Variants in MFAP5 observed in about 807,000 individuals in gnomAD.
MFAP5 encodes the protein microfibrillar-associated protein 5.
MFAP5 carries 19 observed loss-of-function variants against 30.1 expected under a neutral mutation model. The ratio of observed to expected loss-of-function variants is 0.63; its 90% CI spans 0.44 to 0.93. MFAP5 has a LOEUF of 0.93. Among genes scored for constraint, MFAP5 ranks in the 40% least tolerant of loss-of-function variants. The pLI, the probability that MFAP5 is intolerant of heterozygous loss-of-function variation, is 0.00. For synonymous variants in MFAP5, 92 were observed against 72.9 expected (o/e 1.26, Z -1.33); for missense variants, 210 against 221.3 (o/e 0.95, Z 0.32).
chr12:8,657,285 G>T (rs1942028186), intron 3 of MFAP5, among the ~76,000 whole-genome samples: 1 of 152,012 alleles, frequency 6.6e-6, no homozygotes, highest in African/African-American at 2.4e-5. Context: ...CTGGCGTGGT[G>T]GTGCACGCCT....
chr12:8,658,627 C>T (rs1942068854), intron 3 of MFAP5: 1 of 152,156 alleles, frequency 6.6e-6, no homozygotes, highest in Non-Finnish European at 1.5e-5. Context: ...ACATTCCAGT[C>T]CAGCCACTCA....
chr12:8,654,383 T>C, intron 6 of MFAP5, 54 bp downstream of exon 6: 1 of 1,520,630 alleles, frequency 6.6e-7, no homozygotes, highest in Non-Finnish European at 9.0e-7. Context: ...GAATGGGCTC[T>C]GGGGAAAGCC....
rs1334115842 is a variant in MFAP5 at position 8,647,851 on chromosome 12, T to C, written c.*240A>G. On this transcript the variant is annotated 3_prime_UTR_variant, in exon 10 of 10. Coordinates refer to ENST00000359478, the MANE Select transcript of MFAP5 (RefSeq NM_003480.4). The stretch of plus-strand genomic sequence containing the variant: ...ATAGTCATCATCTATTCACTGTGTC[T>C]ATGATATTGAGAAGCAGCAAAATTA... The C allele has an allele frequency of 2.3e-5, 8 of 344,492 alleles. No individual in the cohort carries two copies. Among genetic ancestry groups the C allele is most frequent in the Non-Finnish European group, 1.1e-5 (2 of 183,300 alleles). 21.3% of individuals were successfully genotyped at this position (344,492 alleles called of 1,614,324 possible). A position where few individuals can be genotyped will look rare whatever the true frequency, so the allele number is the denominator to read the frequency against.
intron 2 of MFAP5, among the ~76,000 whole-genome samples, chr12:8,661,364 C>A (rs893385572): frequency 6.6e-6 from 1 of 152,162 alleles, no homozygotes; most frequent in African/African-American, 2.4e-5. Context: ...AGTTCACTTT[C>A]TGTGGCCAGT....
chr12:8,649,202 T>C (rs1941763660), intron 9 of MFAP5, among the ~76,000 whole-genome samples: 1 of 152,196 alleles, frequency 6.6e-6, no homozygotes, highest in African/African-American at 2.4e-5. Flanking sequence ...AGAACCCCAG[T>C]GAATGATCTT....
chr12:8,660,634 T>A (rs1565529100), intron 3 of MFAP5, among the ~76,000 whole-genome samples: 1 of 152,088 alleles, frequency 6.6e-6, no homozygotes, highest in East Asian at 1.9e-4. Flanking sequence ...TTCAGTAGTT[T>A]AAAAACACAC....
chr12:8,648,218 G>A lies in MFAP5; in HGVS notation c.410-15C>T, dbSNP rs1452645868. The A allele has an allele frequency of 6.3e-7, 1 of 1,584,348 alleles. No homozygotes were observed. The highest frequency in any genetic ancestry group is 8.7e-7 in the Non-Finnish European group (1 of 1,153,098). ...GCAAAGCTCATCTAGAAGAGAAGCAGAACATCATGGGAAGAGAATGCAGAA... is the reference window on the plus strand; with the variant it reads ...GCAAAGCTCATCTAGAAGAGAAGCAAAACATCATGGGAAGAGAATGCAGAA... On this transcript the variant is annotated splice_polypyrimidine_tract_variant and intron_variant, in intron 9 of 9. Transcript: ENST00000359478.
chr12:8,655,285 C>T, intron 5 of MFAP5, 130 bp downstream of exon 5: 1 of 980,364 alleles, frequency 1.0e-6, no homozygotes, highest in Non-Finnish European at 1.5e-6. Context: ...GACTCCCTCT[C>T]AAAAACAAAC....
At chr12:8,655,753 GCAAACAAA>G in intron 4 of MFAP5, 25 bp downstream of exon 4, 1 of 1,598,568 alleles carries the variant, frequency 6.3e-7, no homozygotes. Context: ...CAATAAAACA[GCAAACAAA>G]CAAACAAACA....
chr12:8,657,787 G>A (rs1942047259), intron 3 of MFAP5, among the ~76,000 whole-genome samples: 2 of 151,914 alleles, frequency 1.3e-5, no homozygotes, highest in South Asian at 4.2e-4. Context: ...GGCCAGGCTG[G>A]TCTTGAGCTC....
Position 8,649,550 on chromosome 12 carries a change from G to C in MFAP5, c.360C>G (p.Asn120Lys), listed in dbSNP as rs756712055. Reference protein sequence around the residue: ...FTSLRRMYIVNKEICSRLVCK... With the variant: ...FTSLRRMYIVKKEICSRLVCK... ...AGACAAGACGAGAGCAGATCTCCTT[G>C]TTGACGATGTACATACGTCGTAAAC... Residue 120 changes from asparagine (N) to lysine (K), a missense_variant, in exon 9 of 10, where the codon AAC becomes AAG. Coordinates refer to ENST00000359478, the MANE Select transcript of MFAP5 (RefSeq NM_003480.4). 4 of 1,614,032 alleles carry C rather than the reference G, an allele frequency of 2.5e-6. No individual in the cohort carries two copies. Among genetic ancestry groups the C allele is most frequent in the Non-Finnish European group, 3.4e-6 (4 of 1,180,014 alleles).
chr12:8,659,010 T>TA (rs1942077750), intron 3 of MFAP5, among the ~76,000 whole-genome samples: 1 of 148,924 alleles, frequency 6.7e-6, no homozygotes, highest in Admixed American at 6.7e-5. Flanking sequence ...TTTTTTTTTT[T>TA]AAGAGATAGG....
intron 8 of MFAP5, 33 bp from the exon 9 acceptor site, chr12:8,649,607 G>A (rs1941779499): frequency 6.3e-7 from 1 of 1,594,454 alleles, no homozygotes; most frequent in African/African-American, 1.3e-5. Context: ...GGCAAGGAAG[G>A]AGATGGAAGA....
intron 6 of MFAP5, chr12:8,654,228 T>C: frequency 2.1e-6 from 1 of 484,698 alleles, no homozygotes; most frequent in Non-Finnish European, 3.7e-6. Flanking sequence ...CATCAAGTCT[T>C]GAAACTTTGA....
At chr12:8,660,804 T>A (rs1942126052) in intron 3 of MFAP5, 59 bp downstream of exon 3, 1 of 1,448,770 alleles carries the variant, frequency 6.9e-7, no homozygotes, top group Admixed American at 2.0e-5. Context: ...TTTAACTCTG[T>A]TCATCTAAAT....
chr12:8,659,268 A>G lies in MFAP5; in HGVS notation c.94+1595T>C, dbSNP rs1299975963. 2.6e-5 allele frequency among the ~76,000 whole-genome samples: 4 copies of G among 151,392 alleles called. No individual in the cohort carries two copies. In the East Asian group the frequency reaches 5.9e-4, roughly 22 times the overall value. ...GGTTGCAGTGAGCCGAGATCGCGCA[A>G]TTGTACTACAGCCTGGGTAACAAGA... On this transcript the variant is annotated intron_variant, in intron 3 of 9. Transcript: ENST00000359478.
intron 2 of MFAP5, 87 bp from the exon 3 acceptor site, chr12:8,660,985 A>G: frequency 8.8e-7 from 1 of 1,139,816 alleles, no homozygotes; most frequent in Non-Finnish European, 1.3e-6. Context: ...AAAATCATGG[A>G]GAAATGGTTA....
intron 3 of MFAP5, among the ~76,000 whole-genome samples, chr12:8,656,699 G>C (rs2136474679): frequency 7.7e-6 from 1 of 129,232 alleles, no homozygotes; most frequent in East Asian, 2.2e-4. Flanking sequence ...GTCTGGCTCT[G>C]TCTGTCGCCC....
chr12:8,654,433 T>G lies in MFAP5; in HGVS notation c.217+4A>C, dbSNP rs748980355. On this transcript the variant is annotated splice_donor_region_variant and intron_variant, in intron 6 of 9. Transcript: ENST00000359478. ...TGACCTGGGGGTCCCAGATCTGAAC[T>G]CACCCAAGTCATCTGTGGAAGGTGC... 5.0e-6 allele frequency: 8 copies of G among 1,598,848 alleles called. No individual in the cohort carries two copies. The East Asian group carries it at 1.6e-4, about 31-fold the overall frequency.
Sources: allele counts gnomAD v4.1 joint callset (sites outside exome capture counted in the v4.1 genomes callset), GRCh38; gene constraint gnomAD v4.1.1; transcripts MANE v1.5; gene names NCBI Gene and HGNC (gene_info 2026-07-23, HGNC 2026-07-21).